Variants in PDIA5 observed in about 807,000 individuals in gnomAD.
The protein encoded by PDIA5 is protein disulfide isomerase family A member 5.
Under a neutral mutation model 77.6 loss-of-function variants are expected in PDIA5, and 58 were observed. The ratio of observed to expected loss-of-function variants is 0.75; its 90% CI spans 0.61 to 0.93. The LOEUF is 0.93. PDIA5 is among the 40% of genes least tolerant of loss of function. The pLI is 0.00. For synonymous variants in PDIA5, 250 were observed against 252.1 expected (o/e 0.99, Z 0.08); for missense variants, 630 against 647.7 (o/e 0.97, Z 0.30).
chr3:123,129,058 C>T (rs996082236), intron 10 of PDIA5, among the ~76,000 whole-genome samples: 48 of 66,988 alleles, frequency 7.2e-4, no homozygotes, highest in African/African-American at 2.1e-3. Context: ...TTCCAATTTT[C>T]GCTATGACAA....
At chr3:123,141,508 C>T (rs1001660413) in intron 11 of PDIA5, among the ~76,000 whole-genome samples, 1 of 152,180 alleles carries the variant, frequency 6.6e-6, no homozygotes, top group Non-Finnish European at 1.5e-5. Flanking sequence ...GACTCACCGC[C>T]ACAGGAGAGT....
intron 1 of PDIA5, among the ~76,000 whole-genome samples, chr3:123,074,046 T>C (rs1403976716): frequency 6.6e-6 from 1 of 152,244 alleles, no homozygotes; most frequent in Non-Finnish European, 1.5e-5. Flanking sequence ...CTAGTCTTAC[T>C]GGGTCCTGGG....
chr3:123,093,213 G>A (rs1442240978), intron 3 of PDIA5, among the ~76,000 whole-genome samples: 2 of 152,144 alleles, frequency 1.3e-5, no homozygotes, highest in Non-Finnish European at 2.9e-5. Flanking sequence ...AGCACTGAGT[G>A]AAACTAGGAT....
chr3:123,086,435 A>G (rs545389441), intron 1 of PDIA5, among the ~76,000 whole-genome samples: 1 of 152,374 alleles, frequency 6.6e-6, no homozygotes, highest in South Asian at 2.1e-4. Flanking sequence ...CAGGAGGCTG[A>G]GAAGGCGTGA....
At chr3:123,102,727 C>A (rs761014503) in intron 4 of PDIA5, 24 bp from the exon 5 acceptor site, 3 of 1,579,132 alleles carry the variant, frequency 1.9e-6, no homozygotes, top group Non-Finnish European at 1.7e-6. Context: ...TTAAAGTTAA[C>A]ACATTTTTCT....
intron 11 of PDIA5, 26 bp downstream of exon 11, chr3:123,130,642 T>G: frequency 6.2e-7 from 1 of 1,611,754 alleles, no homozygotes; most frequent in Non-Finnish European, 8.5e-7. Flanking sequence ...CTCCTCCCCC[T>G]CCACACCCTC....
chr3:123,116,137 G>A (rs748279430), intron 7 of PDIA5, 94 bp from the exon 8 acceptor site: 13 of 972,062 alleles, frequency 1.3e-5, no homozygotes, highest in Admixed American at 1.2e-4. Flanking sequence ...ATAAGTGCTT[G>A]TTGGGTAGAG....
At chr3:123,130,641 C>T (rs1935351167) in intron 11 of PDIA5, 25 bp downstream of exon 11, 1 of 1,612,068 alleles carries the variant, frequency 6.2e-7, no homozygotes. Flanking sequence ...GCTCCTCCCC[C>T]TCCACACCCT....
At chr3:123,104,864 C>T (rs1056439460) in intron 5 of PDIA5, among the ~76,000 whole-genome samples, 1 of 152,196 alleles carries the variant, frequency 6.6e-6, no homozygotes, top group African/African-American at 2.4e-5. Context: ...TGAGGGTGGG[C>T]TTCCAGGTGC....
At chr3:123,070,089 CA>C (rs771690653) in intron 1 of PDIA5, among the ~76,000 whole-genome samples, 1,410 of 72,320 alleles carry the variant, frequency 0.019, 4 homozygotes, top group Non-Finnish European at 0.032. Flanking sequence ...GACTCCATCT[CA>C]AAAAAAAAAA....
chr3:123,085,128 A>G (rs971371194), intron 1 of PDIA5, among the ~76,000 whole-genome samples: 1 of 152,176 alleles, frequency 6.6e-6, no homozygotes, highest in Non-Finnish European at 1.5e-5. Context: ...GACTCACCCC[A>G]TCACATACTG....
chr3:123,114,984 G>A (rs997253555), intron 7 of PDIA5, among the ~76,000 whole-genome samples: 8 of 152,158 alleles, frequency 5.3e-5, no homozygotes, highest in Non-Finnish European at 7.3e-5. Flanking sequence ...CATCTTGTCC[G>A]GTAGGCTTGG....
At chr3:123,093,751 C>T (rs1386205268) in intron 3 of PDIA5, among the ~76,000 whole-genome samples, 1 of 152,212 alleles carries the variant, frequency 6.6e-6, no homozygotes, top group African/African-American at 2.4e-5. Flanking sequence ...CAAACACAGA[C>T]TATATGCATG....
At chr3:123,092,989 A>G (rs1158157598) in intron 3 of PDIA5, among the ~76,000 whole-genome samples, 1 of 152,176 alleles carries the variant, frequency 6.6e-6, no homozygotes, top group Non-Finnish European at 1.5e-5. Flanking sequence ...TAATGTAGCT[A>G]TTATTGCCTG....
At chr3:123,141,990 G>A (rs1935647110) in intron 11 of PDIA5, among the ~76,000 whole-genome samples, 1 of 152,212 alleles carries the variant, frequency 6.6e-6, no homozygotes, top group Admixed American at 6.5e-5. Context: ...GCAAGTTCAG[G>A]TAGTCCAGGA....
intron 6 of PDIA5, among the ~76,000 whole-genome samples, chr3:123,108,612 C>T (rs1490994276): frequency 2.2e-3 from 2 of 900 alleles, no homozygotes; most frequent in African/African-American, 6.7e-3. Context: ...CATGTGGGCC[C>T]GGCACTGGCT....
At chr3:123,087,796 G>A (rs914546815) in intron 1 of PDIA5, among the ~76,000 whole-genome samples, 4 of 152,164 alleles carry the variant, frequency 2.6e-5, no homozygotes, top group African/African-American at 9.7e-5. Flanking sequence ...TGGAGGGAGT[G>A]GAGAGTGCTT....
At chr3:123,154,812 G>A (rs1042007334) in intron 14 of PDIA5, among the ~76,000 whole-genome samples, 159 bp from the exon 15 acceptor site, 13 of 152,280 alleles carry the variant, frequency 8.5e-5, no homozygotes, top group African/African-American at 2.6e-4. Flanking sequence ...GGTGGGAGGT[G>A]GTTAGAGTGG....
chr3:123,161,661 C>T (rs367729007), intron 16 of PDIA5: 29 of 658,450 alleles, frequency 4.4e-5, no homozygotes, highest in African/African-American at 2.7e-4. Context: ...ATGTCCTGTC[C>T]CCAGAGGCAG....
Sources: gnomAD v4.1 joint callset for allele counts (sites outside exome capture counted in the v4.1 genomes callset) on GRCh38, gnomAD v4.1.1 for gene constraint, MANE v1.5 for transcripts, NCBI Gene and HGNC (gene_info 2026-07-23, HGNC 2026-07-21) for gene names.